The following DENND4C variants were observed in gnomAD, a reference collection of about 807,000 sequenced individuals.
DENND4C encodes the protein DENN domain-containing protein 4C.
DENND4C carries 108 observed loss-of-function variants against 203.0 expected under a neutral mutation model. The ratio of observed to expected loss-of-function variants is 0.53; its 90% CI spans 0.46 to 0.62. The LOEUF is 0.62. Ranked by LOEUF, DENND4C falls within the 20% of genes least tolerant of loss-of-function variation. The probability of loss-of-function intolerance (pLI) is 0.00; values close to 1 mark genes in which losing one functional copy is unlikely to be tolerated. For missense variants in DENND4C, 2,481 were observed against 2,301.2 expected, an observed-to-expected ratio of 1.08 and a Z score of -1.60; for synonymous variants, 871 against 792.4, an observed-to-expected ratio of 1.10 and a Z score of -1.67.
chr9:19,263,104 A>G (rs1564098006), intron 1 of DENND4C, among the ~76,000 whole-genome samples: 1 of 152,172 alleles, frequency 6.6e-6, no homozygotes, highest in African/African-American at 2.4e-5. Flanking sequence ...GTGTTAAGGT[A>G]TGTTCCTTCT....
intron 26 of DENND4C, 27 bp from the exon 27 acceptor site, chr9:19,356,945 T>A (rs76187434): frequency 1.2e-5 from 19 of 1,600,394 alleles, no homozygotes; most frequent in Non-Finnish European, 1.6e-5. Context: ...TTTTAAAGGC[T>A]CTTTTTCCCC....
rs1564122202 is a variant in DENND4C, at chr9:19,288,693, A to G, written c.628+28A>G. 20 of 1,190,300 alleles carry G rather than the reference A, an allele frequency of 1.7e-5. No homozygotes were observed. The Middle Eastern group carries it at 9.6e-4, about 57-fold the overall frequency. 73.7% of individuals were successfully genotyped at this position (1,190,300 alleles called of 1,614,324 possible). On this transcript the variant is annotated intron_variant, in intron 4 of 32. Transcript: ENST00000434457. ...AAGTGAGTTAAAAAAAATTGTCTCA[A>G]TTGCTATAGTTATTGGTGCATATTA...
intron 22 of DENND4C, among the ~76,000 whole-genome samples, chr9:19,345,093 C>T (rs7029719): frequency 1.3e-5 from 2 of 152,112 alleles, no homozygotes; most frequent in African/African-American, 4.8e-5. Flanking sequence ...TGGATTTTGG[C>T]GGACACAAAC....
At chr9:19,326,771 G>T (rs1817923983) in intron 15 of DENND4C, among the ~76,000 whole-genome samples, 2 of 152,090 alleles carry the variant, frequency 1.3e-5, no homozygotes, top group Admixed American at 6.5e-5. Flanking sequence ...GTGTGTGTAT[G>T]TATTGCATGT....
chr9:19,296,547 G>T (rs971306358), intron 6 of DENND4C, among the ~76,000 whole-genome samples: 1 of 151,848 alleles, frequency 6.6e-6, no homozygotes, highest in African/African-American at 2.4e-5. Flanking sequence ...TAGAGACAAG[G>T]TTTCACCATC....
chr9:19,301,162 G>C (rs1838483128), intron 9 of DENND4C, among the ~76,000 whole-genome samples: 1 of 150,576 alleles, frequency 6.6e-6, no homozygotes, highest in African/African-American at 2.5e-5. Flanking sequence ...TGGGCAACTA[G>C]AGTGAAACTC....
At chr9:19,235,075 CT>C (rs1181219586) in intron 1 of DENND4C, among the ~76,000 whole-genome samples, 2 of 151,902 alleles carry the variant, frequency 1.3e-5, no homozygotes, top group African/African-American at 2.4e-5. Context: ...GCAATTCTCC[CT>C]GCCTCAGGGT....
intron 23 of DENND4C, among the ~76,000 whole-genome samples, chr9:19,350,047 A>G (rs144549084): frequency 1.7e-4 from 26 of 152,256 alleles, no homozygotes; most frequent in Non-Finnish European, 3.4e-4. Context: ...GAAGACACAA[A>G]TCTTTCATTT....
chr9:19,369,775 A>C, intron 30 of DENND4C, 62 bp from the exon 31 acceptor site: 1 of 1,032,898 alleles, frequency 9.7e-7, no homozygotes. Context: ...TCAAAAAAAA[A>C]AAAATAATAA....
intron 1 of DENND4C, among the ~76,000 whole-genome samples, chr9:19,239,129 C>G (rs1314829542): frequency 6.6e-6 from 1 of 151,750 alleles, no homozygotes; most frequent in Non-Finnish European, 1.5e-5. Flanking sequence ...TGTTTTTTCC[C>G]TCTACTTCCC....
chr9:19,371,907 A>G, intron 32 of DENND4C, 87 bp downstream of exon 32: 1 of 1,299,828 alleles, frequency 7.7e-7, no homozygotes, highest in Non-Finnish European at 1.1e-6. Flanking sequence ...GTATGTATAA[A>G]AGATTTAAAA....
intron 20 of DENND4C, 117 bp downstream of exon 20, chr9:19,336,949 A>T (rs1820608765): frequency 2.0e-6 from 2 of 983,090 alleles, no homozygotes; most frequent in East Asian, 5.3e-5. Context: ...AAAGTACTGT[A>T]TGCTTACAAG....
chr9:19,272,941 T>A (rs1832047424), intron 1 of DENND4C, among the ~76,000 whole-genome samples: 1 of 144,252 alleles, frequency 6.9e-6, no homozygotes, highest in Non-Finnish European at 1.5e-5. Flanking sequence ...CTAATTTTTG[T>A]ATCCTTTTTT....
At position 19,371,740 on chromosome 9, in the gene DENND4C, CAT is replaced by C. The variant is rs749435145; in HGVS notation, c.5676-13_5676-12del. On this transcript the variant is annotated splice_polypyrimidine_tract_variant and intron_variant, in intron 31 of 32. Transcript: ENST00000434457. The stretch of plus-strand genomic sequence containing the variant: ...GCTATTTGCCCATTGACTTTTAAAA[CAT>C]ATTTGTTTTATAGGAGTTTATACAG... 93 of 1,318,492 alleles carry C rather than the reference CAT, an allele frequency of 7.1e-5. No individual in the cohort carries two copies. Among genetic ancestry groups the C allele is most frequent in the East Asian group, 2.6e-4 (11 of 41,914 alleles). 81.7% of individuals were successfully genotyped at this position (1,318,492 alleles called of 1,614,324 possible).
intron 16 of DENND4C, among the ~76,000 whole-genome samples, chr9:19,328,932 C>T (rs1818480985): frequency 6.6e-6 from 1 of 151,824 alleles, no homozygotes; most frequent in South Asian, 2.1e-4. Context: ...GCCTGTAATC[C>T]CAGCTACTGG....
At chr9:19,311,112 G>C (rs1343637724) in intron 10 of DENND4C, among the ~76,000 whole-genome samples, 2 of 151,786 alleles carry the variant, frequency 1.3e-5, no homozygotes, top group African/African-American at 4.8e-5. Context: ...TTTGTCTTTT[G>C]AATTTCCAAA....
At chr9:19,366,782 A>T (rs1281166325) in intron 30 of DENND4C, among the ~76,000 whole-genome samples, 1 of 152,124 alleles carries the variant, frequency 6.6e-6, no homozygotes, top group African/African-American at 2.4e-5. Context: ...AATCTTCATG[A>T]CTCCGTGTTA....
At chr9:19,331,232 A>G (rs1033971857) in intron 16 of DENND4C, among the ~76,000 whole-genome samples, 32 of 148,784 alleles carry the variant, frequency 2.2e-4, no homozygotes, top group African/African-American at 7.4e-4. Context: ...GAGATGGAGT[A>G]TCGCTCTGTC....
At chr9:19,357,700 A>G in intron 27 of DENND4C, 1 of 323,846 alleles carries the variant, frequency 3.1e-6, no homozygotes, top group South Asian at 8.4e-5. Context: ...AAGCAACTGA[A>G]TGGGTACTTT....
Sources: allele counts gnomAD v4.1 joint callset (sites outside exome capture counted in the v4.1 genomes callset), GRCh38; gene constraint gnomAD v4.1.1; transcripts MANE v1.5; gene names NCBI Gene and HGNC (gene_info 2026-07-23, HGNC 2026-07-21).